TMEM63A: variants seen among roughly 807,000 people sequenced by gnomAD.
The protein encoded by TMEM63A is transmembrane protein 63A, also known as mechanosensitive cation channel TMEM63A.
Under a neutral mutation model 100.6 loss-of-function variants are expected in TMEM63A, and 76 were observed. The observed-to-expected ratio is 0.76, with a 90% CI of 0.63 to 0.91. TMEM63A has a LOEUF of 0.91. Ranked by LOEUF, TMEM63A falls within the 40% of genes least tolerant of loss-of-function variation. The pLI is 0.00. For synonymous variants in TMEM63A, 401 were observed against 401.1 expected (o/e 1.00, Z 0.00); for missense variants, 876 against 1,008.8 (o/e 0.87, Z 1.78).
chr1:225,867,504 C>A lies in TMEM63A; in HGVS notation c.515-341G>T, dbSNP rs1670273598. Among the ~76,000 whole-genome samples the A allele has an allele frequency of 6.6e-6, 1 of 152,188 alleles. No homozygotes were observed. ...ATGGTGGCATTTTGGAAGGTGGATT[C>A]TTGCAGTTGCCCTTAGATATAATGC... On this transcript the variant is annotated intron_variant, in intron 7 of 24. Coordinates refer to ENST00000366835, the MANE Select transcript of TMEM63A (RefSeq NM_014698.3). The surrounding 1 kb of genome is among the most constrained non-coding windows in gnomAD (Gnocchi z 4.6).
Position 225,877,408 on chromosome 1 carries a change from A to G in TMEM63A, c.173T>C (p.Val58Ala). 6.2e-7 allele frequency: 1 copy of G among 1,612,502 alleles called. No homozygotes were observed. Among genetic ancestry groups the G allele is most frequent in the Non-Finnish European group, 8.5e-7 (1 of 1,178,692 alleles). ...GGIPTVLLID[V>A]SCFLFLILVF... ...GAGGGCTCTCACCAGGAAGCAGCTG[A>G]CGTCTATGAGCAGGACAGTGGGGAT... Residue 58 changes from valine to alanine, a missense_variant, in exon 3 of 25, where the codon GTC becomes GCC. Val to Ala is a moderately conservative substitution (Grantham distance 64). Transcript: ENST00000366835.
intron 1 of TMEM63A, among the ~76,000 whole-genome samples, chr1:225,880,011 G>C (rs1044661383): frequency 2.0e-5 from 3 of 152,184 alleles, no homozygotes; most frequent in Non-Finnish European, 4.4e-5. Flanking sequence ...CCTCTGCGGA[G>C]GGAAACACCT....
intron 15 of TMEM63A, 107 bp downstream of exon 15, chr1:225,859,089 G>A (rs1198108028): frequency 2.0e-6 from 3 of 1,496,932 alleles, no homozygotes; most frequent in Non-Finnish European, 1.8e-6. Flanking sequence ...TGACCCACTG[G>A]TTTAGTTCCC....
At chr1:225,844,280 C>T (rs1005134667), downstream of TMEM63A, among the ~76,000 whole-genome samples, 1 of 150,742 alleles carries the variant, frequency 6.6e-6, no homozygotes, top group Non-Finnish European at 1.5e-5. Flanking sequence ...GGGGGAGGAC[C>T]TTGGGGTGAT....
rs1204453570 is a variant in TMEM63A, at chr1:225,862,561, C to G, written c.845G>C (p.Ser282Thr). ...CTGCAGGTTTGTGTAATAGGTCAGGCTCTTCTCAGTCTTCTTTCTGTAGGG... is the reference window on the plus strand; with the variant it reads ...CTGCAGGTTTGTGTAATAGGTCAGGGTCTTCTCAGTCTTCTTTCTGTAGGG... ...LCKEKKKTEKSLTYYTNLQVK... is the reference protein window; with the variant it reads ...LCKEKKKTEKTLTYYTNLQVK... Residue 282 changes from serine (S) to threonine (T), a missense_variant, in exon 12 of 25, where the codon AGC (serine) becomes ACC (threonine). Physicochemically the swap from Ser to Thr is moderately conservative, Grantham distance 58. Transcript: ENST00000366835. This position sits in a 1 kb window ranked among gnomAD's most constrained non-coding sequence, Gnocchi z 5.1. 2.5e-6 allele frequency: 4 copies of G among 1,613,766 alleles called. No individual in the cohort carries two copies. The highest frequency in any genetic ancestry group is 3.4e-6 in the Non-Finnish European group (4 of 1,179,948).
At chr1:225,871,227 G>C in intron 5 of TMEM63A, 114 bp from the exon 6 acceptor site, 1 of 1,125,068 alleles carries the variant, frequency 8.9e-7, no homozygotes, top group Non-Finnish European at 1.3e-6. Flanking sequence ...ATAAAAAACA[G>C]TGCTTTTATC....
chr1:225,857,537 TAGAG>T (rs754096510), intron 15 of TMEM63A, among the ~76,000 whole-genome samples: 5 of 151,664 alleles, frequency 3.3e-5, no homozygotes, highest in Middle Eastern at 3.4e-3. Flanking sequence ...AACATAAAAA[TAGAG>T]AGAAATTTTC....
rs201153334 is a variant in TMEM63A, at chr1:225,877,497, G to A, written c.84C>T (p.Asn28=). 10 of 1,614,084 alleles carry A rather than the reference G, an allele frequency of 6.2e-6. No homozygotes were observed. The highest frequency in any genetic ancestry group is 1.7e-5 in the Admixed American group (1 of 59,998). Residue 28 remains asparagine, a synonymous_variant, in exon 3 of 25, where the codon AAC becomes AAT. Transcript: ENST00000366835. ...TGGCCGAGTTGTAGCAATAGGAGTC[G>A]TTGGGCCGGTCCCCGAGTCCCAGCT... The part of the protein sequence containing the change: ...REQLGLGDRP[N]DSYCYNSAKN...
At chr1:225,874,199 TGCACACACGCACATATAC>T (rs1670659612) in intron 4 of TMEM63A, 71 bp downstream of exon 4, 2 of 1,289,046 alleles carry the variant, frequency 1.6e-6, no homozygotes, top group Non-Finnish European at 2.2e-6. Flanking sequence ...CACACATATA[TGCACACACGCACATATAC>T]ACACTCACGC....
chr1:225,861,011 T>C lies in TMEM63A; in HGVS notation c.1086-14A>G. The C allele has an allele frequency of 6.2e-7, 1 of 1,602,554 alleles. No homozygotes were observed. The highest frequency in any genetic ancestry group is 1.7e-4 in the Middle Eastern group (1 of 5,998). ...TCTTTCAGGATGCTGCAAGGAAATG[T>C]AGCAACAGCCAGGCCCAGGCTACTC... On this transcript the variant is annotated splice_polypyrimidine_tract_variant and intron_variant, in intron 13 of 24. Coordinates refer to ENST00000366835, the MANE Select transcript of TMEM63A (RefSeq NM_014698.3).
At chr1:225,855,548 TC>T (rs1669572224) in intron 18 of TMEM63A, among the ~76,000 whole-genome samples, 1 of 152,100 alleles carries the variant, frequency 6.6e-6, no homozygotes, top group African/African-American at 2.4e-5. Flanking sequence ...CTTTCCCCAC[TC>T]CCTGGCACCA....
At chr1:225,851,365 GTTTTT>G (rs1045943234) in intron 20 of TMEM63A, among the ~76,000 whole-genome samples, 1 of 152,040 alleles carries the variant, frequency 6.6e-6, no homozygotes. Flanking sequence ...AGGTTCTTTT[GTTTTT>G]TTATTTTTTA....
intron 20 of TMEM63A, 65 bp downstream of exon 20, chr1:225,852,599 G>T: frequency 6.6e-7 from 1 of 1,504,018 alleles, no homozygotes; most frequent in Non-Finnish European, 9.2e-7. Context: ...CTGTCCCCGA[G>T]AGGTTTGGTG....
Position 225,862,695 on chromosome 1 carries a change from G to C in TMEM63A, c.827+76C>G, listed in dbSNP as rs770944655. The C allele has an allele frequency of 3.1e-6, 5 of 1,608,080 alleles. No individual in the cohort carries two copies. The African/African-American group carries it at 4.0e-5, about 13-fold the overall frequency. On this transcript the variant is annotated intron_variant, in intron 11 of 24. Coordinates refer to ENST00000366835, the MANE Select transcript of TMEM63A (RefSeq NM_014698.3). This position sits in a 1 kb window ranked among gnomAD's most constrained non-coding sequence, Gnocchi z 5.1. Reference sequence around the variant, plus strand: ...GAGAAGGAGGGGTCCAGGGCCTCCCGCCTCCCTTCCTAGCTGGGAGATGCG... The same window carrying C: ...GAGAAGGAGGGGTCCAGGGCCTCCCCCCTCCCTTCCTAGCTGGGAGATGCG...
At chr1:225,874,506 A>C (rs1670677495) in intron 3 of TMEM63A, 139 bp from the exon 4 acceptor site, 2 of 681,728 alleles carry the variant, frequency 2.9e-6, no homozygotes, top group Admixed American at 2.9e-5. Context: ...GAGGGCACTG[A>C]AGTGCCCAAG....
Position 225,849,917 on chromosome 1 carries a change from C to G in TMEM63A, c.2066G>C (p.Arg689Pro), listed in dbSNP as rs1669234903. Residue 689 changes from arginine to proline, a missense_variant, in exon 21 of 25, where the codon CGC (arginine) becomes CCC (proline). Arg to Pro is a moderately radical substitution (Grantham distance 103). Around this residue, in one of 5 missense-constraint regions of TMEM63A, gnomAD observed 339 missense variants for 342.3 expected, o/e 0.99. Coordinates refer to ENST00000366835, the MANE Select transcript of TMEM63A (RefSeq NM_014698.3). The stretch of plus-strand genomic sequence containing the variant: ...AGGTCAGAAGGGCTGCTCACCCAGG[C>G]GCAGGAAGGAAAAGAAGTAGAGCCA... ...LFWLYFFSFL[R>P]LGMKAPATLF... 3.1e-6 allele frequency: 5 copies of G among 1,613,664 alleles called. No homozygotes were observed. In the Middle Eastern group the frequency reaches 5.0e-4, roughly 160 times the overall value.
chr1:225,847,239 G>C (rs745571288), intron 23 of TMEM63A, 26 bp from the exon 24 acceptor site: 3 of 1,606,644 alleles, frequency 1.9e-6, no homozygotes, highest in South Asian at 2.2e-5. Context: ...TTTGTGCTTG[G>C]CCTGGACAGG....
In TMEM63A at chr1:225,865,588, A is replaced by G. The variant is rs1459807127; in HGVS notation, c.746+309T>C. ...GGTGATGCTAAGAACCCCGGGGTCA[A>G]CAATTTTTTCCCCCGTATGCTCTCA... On this transcript the variant is annotated intron_variant, in intron 10 of 24. Transcript: ENST00000366835. The surrounding 1 kb of genome is among the most constrained non-coding windows in gnomAD (Gnocchi z 4.6). 3.4e-6 allele frequency: 1 copy of G among 293,992 alleles called. No homozygotes were observed. Among genetic ancestry groups the G allele is most frequent in the African/African-American group, 2.1e-5 (1 of 47,808 alleles). 18.2% of individuals were successfully genotyped at this position (293,992 alleles called of 1,614,324 possible).
At chr1:225,874,807 C>T (rs1670696180) in intron 3 of TMEM63A, among the ~76,000 whole-genome samples, 1 of 152,200 alleles carries the variant, frequency 6.6e-6, no homozygotes, top group African/African-American at 2.4e-5. Context: ...TTTCTTTCGG[C>T]TCACTGCAAC....
Sources: allele counts gnomAD v4.1 joint callset (sites outside exome capture counted in the v4.1 genomes callset), GRCh38; gene constraint gnomAD v4.1.1; regional missense constraint gnomAD v4.1.1; non-coding constraint Gnocchi (gnomAD v3.1); transcripts MANE v1.5; gene names NCBI Gene and HGNC (gene_info 2026-07-23, HGNC 2026-07-21).